ZNF385D: variants seen among roughly 807,000 people sequenced by gnomAD.
ZNF385D encodes zinc finger protein 385D.
Under a neutral mutation model 35.8 loss-of-function variants are expected in ZNF385D, and 15 were observed. The ratio of observed to expected loss-of-function variants is 0.42; its 90% CI spans 0.28 to 0.64. ZNF385D has a LOEUF of 0.64. Ranked by LOEUF, ZNF385D falls within the 30% of genes least tolerant of loss-of-function variation. The pLI is 0.23. For missense variants in ZNF385D, 474 were observed against 494.6 expected (o/e 0.96, Z 0.39); for synonymous variants, 212 against 186.8 (o/e 1.13, Z -1.10).
chr3:21,460,236 G>T (rs550964919), intron 4 of ZNF385D, among the ~76,000 whole-genome samples: 4 of 151,992 alleles, frequency 2.6e-5, no homozygotes, highest in African/African-American at 9.7e-5. Flanking sequence ...AGTGTCATAT[G>T]CCCTGGCCTG....
intron 3 of ZNF385D, among the ~76,000 whole-genome samples, chr3:21,797,818 A>C (rs2072220379): frequency 6.6e-6 from 1 of 152,198 alleles, no homozygotes; most frequent in Admixed American, 6.5e-5. Flanking sequence ...GAGATAGTGA[A>C]AGATCAGTGG....
intron 3 of ZNF385D, among the ~76,000 whole-genome samples, chr3:21,993,986 C>G (rs1423025146): frequency 6.6e-6 from 1 of 152,168 alleles, no homozygotes; most frequent in Non-Finnish European, 1.5e-5. Context: ...CTCTGCCTCA[C>G]CAGTACCTAA....
intron 2 of ZNF385D, among the ~76,000 whole-genome samples, chr3:22,201,850 T>C (rs922303383): frequency 1.3e-5 from 2 of 151,778 alleles, no homozygotes; most frequent in African/African-American, 2.4e-5. Context: ...CAAAGCTGAA[T>C]TATTTTCTCA....
intron 2 of ZNF385D, among the ~76,000 whole-genome samples, chr3:22,290,922 A>G (rs116727218): frequency 7.7e-4 from 117 of 152,210 alleles, no homozygotes; most frequent in African/African-American, 2.7e-3. Flanking sequence ...ATCAATATGT[A>G]TATTTTTGTG....
At chr3:21,443,440 C>A (rs1701967430) in intron 4 of ZNF385D, 1 of 565,798 alleles carries the variant, frequency 1.8e-6, no homozygotes, top group Non-Finnish European at 2.2e-6. Flanking sequence ...AGAACCCATC[C>A]ATATACAGGA....
chr3:21,761,253 G>A (rs1234391202), intron 3 of ZNF385D, among the ~76,000 whole-genome samples: 1 of 152,210 alleles, frequency 6.6e-6, no homozygotes, highest in African/African-American at 2.4e-5. Context: ...CTCCTAGTCA[G>A]CACCATCAGC....
At chr3:21,564,735 C>A in intron 2 of ZNF385D, 51 bp from the exon 3 acceptor site, 1 of 1,227,066 alleles carries the variant, frequency 8.1e-7, no homozygotes, top group Non-Finnish European at 1.1e-6. Flanking sequence ...CTTGTCAGTT[C>A]CATTGGAATT....
At chr3:22,165,724 T>C (rs1706269833) in intron 3 of ZNF385D, among the ~76,000 whole-genome samples, 1 of 152,166 alleles carries the variant, frequency 6.6e-6, no homozygotes, top group African/African-American at 2.4e-5. Context: ...TACTGGTCTT[T>C]CTTAGGAGGA....
chr3:22,369,504 A>G (rs1023831821), intron 2 of ZNF385D, among the ~76,000 whole-genome samples: 3 of 150,044 alleles, frequency 2.0e-5, no homozygotes, highest in Admixed American at 6.6e-5. Flanking sequence ...TAGGCAAGTT[A>G]TTATGAGACA....
intron 2 of ZNF385D, among the ~76,000 whole-genome samples, chr3:22,358,412 T>G (rs879309356): frequency 1.4e-4 from 21 of 151,870 alleles, no homozygotes; most frequent in Non-Finnish European, 2.7e-4. Context: ...AATGCAACTT[T>G]GTTCAAAAGT....
At chr3:22,089,324 T>C (rs767621950) in intron 3 of ZNF385D, among the ~76,000 whole-genome samples, 5 of 152,236 alleles carry the variant, frequency 3.3e-5, no homozygotes, top group Non-Finnish European at 4.4e-5. Context: ...CATAAATTAA[T>C]TGACTCTCTA....
At chr3:21,658,232 T>C (rs1302618928) in intron 2 of ZNF385D, among the ~76,000 whole-genome samples, 5 of 152,042 alleles carry the variant, frequency 3.3e-5, no homozygotes, top group African/African-American at 7.2e-5. Flanking sequence ...CTATAAAGAA[T>C]TGATTTGTAA....
intron 2 of ZNF385D, among the ~76,000 whole-genome samples, chr3:22,368,110 G>A (rs552632616): frequency 2.6e-5 from 4 of 152,284 alleles, no homozygotes; most frequent in Admixed American, 2.6e-4. Context: ...TTTCCATAAA[G>A]AGAACTGTCC....
chr3:21,786,853 C>T (rs902512393), intron 3 of ZNF385D, among the ~76,000 whole-genome samples: 1 of 152,098 alleles, frequency 6.6e-6, no homozygotes, highest in Admixed American at 6.5e-5. Flanking sequence ...AGCTAAGTGT[C>T]CAAATATACT....
At chr3:21,516,198 T>C (rs1707551224) in intron 3 of ZNF385D, among the ~76,000 whole-genome samples, 1 of 152,206 alleles carries the variant, frequency 6.6e-6, no homozygotes, top group African/African-American at 2.4e-5. Flanking sequence ...ATTTGAGTGA[T>C]AACTTGAGTT....
intron 2 of ZNF385D, among the ~76,000 whole-genome samples, chr3:22,213,978 C>A (rs542738557): frequency 2.6e-5 from 4 of 151,988 alleles, no homozygotes; most frequent in Admixed American, 1.3e-4. Context: ...CTATTCATCA[C>A]ACATGGGGTA....
At chr3:21,769,240 C>T (rs1284969091) in intron 3 of ZNF385D, among the ~76,000 whole-genome samples, 2 of 151,538 alleles carry the variant, frequency 1.3e-5, no homozygotes, top group Non-Finnish European at 2.9e-5. Context: ...CCAGGGCAAT[C>T]AGGCAGGAGA....
chr3:21,431,645 C>T (rs1701297604), intron 5 of ZNF385D, among the ~76,000 whole-genome samples: 1 of 152,026 alleles, frequency 6.6e-6, no homozygotes, highest in South Asian at 2.1e-4. Context: ...ATGTGGAGCA[C>T]AGGGAGTTAT....
intron 3 of ZNF385D, among the ~76,000 whole-genome samples, chr3:21,939,660 AATT>A (rs1451792687): frequency 6.6e-6 from 1 of 152,218 alleles, no homozygotes; most frequent in South Asian, 2.1e-4. Flanking sequence ...GTTAAATAAA[AATT>A]ATATTAGAAA....
Sources: gnomAD v4.1 joint callset for allele counts (sites outside exome capture counted in the v4.1 genomes callset) on GRCh38, gnomAD v4.1.1 for gene constraint, MANE v1.5 for transcripts, NCBI Gene and HGNC (gene_info 2026-07-23, HGNC 2026-07-21) for gene names.